CDH13: variants seen among roughly 807,000 people sequenced by gnomAD.
CDH13 encodes cadherin 13, also known as cadherin-13.
Under a neutral mutation model 63.8 loss-of-function variants are expected in CDH13, and 24 were observed. The observed-to-expected ratio is 0.38, with a 90% CI of 0.27 to 0.53. The LOEUF (loss-of-function observed/expected upper bound fraction) is 0.53. Ranked by LOEUF, CDH13 falls within the 20% of genes least tolerant of loss-of-function variation. The pLI is 0.85. For synonymous variants in CDH13, 503 were observed against 355.3 expected (o/e 1.42, Z -4.67); for missense variants, 1,049 against 903.1 (o/e 1.16, Z -2.07).
At chr16:83,465,827 C>CATCT (rs2073300577) in intron 6 of CDH13, among the ~76,000 whole-genome samples, 1 of 152,200 alleles carries the variant, frequency 6.6e-6, no homozygotes, top group African/African-American at 2.4e-5. Context: ...GCCGAGGAAG[C>CATCT]ATCTCACAAA....
chr16:83,473,416 C>A (rs1188114957), intron 6 of CDH13, among the ~76,000 whole-genome samples: 1 of 152,200 alleles, frequency 6.6e-6, no homozygotes, highest in African/African-American at 2.4e-5. Flanking sequence ...TGTGGTATTT[C>A]ACTATCCTGG....
intron 1 of CDH13, among the ~76,000 whole-genome samples, chr16:82,790,605 T>G (rs150017361): frequency 2.3e-4 from 35 of 152,286 alleles, no homozygotes; most frequent in Admixed American, 2.0e-4. Context: ...CTTCTCACGT[T>G]GCTTTAAGGA....
chr16:82,726,463 T>C (rs537937827), intron 1 of CDH13, among the ~76,000 whole-genome samples: 1 of 152,360 alleles, frequency 6.6e-6, no homozygotes, highest in South Asian at 2.1e-4. Flanking sequence ...TTCTACTGTT[T>C]ACAAGATAAA....
chr16:83,585,497 C>G (rs952843784), intron 7 of CDH13, among the ~76,000 whole-genome samples: 33 of 152,196 alleles, frequency 2.2e-4, no homozygotes, highest in African/African-American at 6.7e-4. Flanking sequence ...AGCTGCTGAG[C>G]TTGCTTTGGG....
intron 5 of CDH13, among the ~76,000 whole-genome samples, chr16:83,325,215 T>A (rs2090333085): frequency 6.6e-6 from 1 of 152,176 alleles, no homozygotes. Flanking sequence ...ATTTTTTAAT[T>A]ATTACAAACC....
At chr16:82,691,043 C>G (rs954849011) in intron 1 of CDH13, among the ~76,000 whole-genome samples, 5 of 152,186 alleles carry the variant, frequency 3.3e-5, no homozygotes, top group African/African-American at 7.2e-5. Flanking sequence ...CAGAGAAACA[C>G]CTAGATTTTG....
At chr16:83,349,429 G>GA (rs1257000796) in intron 6 of CDH13, among the ~76,000 whole-genome samples, 1 of 152,128 alleles carries the variant, frequency 6.6e-6, no homozygotes, top group Non-Finnish European at 1.5e-5. Context: ...GCACCTTTGA[G>GA]AATGGCTGAC....
rs540318649 is a variant in CDH13 at position 83,032,628 on chromosome 16, G to C, written c.366+410G>C. Among the ~76,000 whole-genome samples, 293 of 152,218 alleles carry C rather than the reference G, an allele frequency of 1.9e-3. 1 individual carries two copies. Among genetic ancestry groups the C allele is most frequent in the Middle Eastern group, 0.017 (5 of 294 alleles). The stretch of plus-strand genomic sequence containing the variant: ...TGCTGGTCTGAAGTCGCCTGAGAAA[G>C]CATCTCTTCAAGACGATGCTAGCAA... On this transcript the variant is annotated intron_variant, in intron 3 of 13. Transcript: ENST00000567109.
At chr16:83,083,255 G>A (rs554276395) in intron 3 of CDH13, among the ~76,000 whole-genome samples, 1 of 152,322 alleles carries the variant, frequency 6.6e-6, no homozygotes, top group South Asian at 2.1e-4. Context: ...CCCAACTGGT[G>A]TTTTTATGTG....
At chr16:82,661,050 C>T (rs549464534) in intron 1 of CDH13, among the ~76,000 whole-genome samples, 44 of 152,174 alleles carry the variant, frequency 2.9e-4, no homozygotes, top group African/African-American at 1.1e-3. Flanking sequence ...GTCAGGTCTC[C>T]GTGAAGGAAA....
intron 2 of CDH13, among the ~76,000 whole-genome samples, chr16:82,862,179 T>C (rs910144970): frequency 1.3e-5 from 2 of 152,184 alleles, no homozygotes; most frequent in Non-Finnish European, 2.9e-5. Flanking sequence ...GACAATTGTG[T>C]GATCTGGGAG....
At chr16:83,318,159 T>C (rs763395391) in intron 5 of CDH13, among the ~76,000 whole-genome samples, 26 of 152,228 alleles carry the variant, frequency 1.7e-4, no homozygotes, top group Non-Finnish European at 3.7e-4. Flanking sequence ...GAGCATTTAA[T>C]AAGCTTAAGC....
At chr16:82,841,000 T>C (rs1213142058) in intron 1 of CDH13, among the ~76,000 whole-genome samples, 2 of 152,182 alleles carry the variant, frequency 1.3e-5, no homozygotes, top group East Asian at 3.9e-4. Context: ...AAAATCACTT[T>C]TAGTTGACTA....
At chr16:83,340,716 A>T (rs534895963) in intron 5 of CDH13, among the ~76,000 whole-genome samples, 5 of 152,324 alleles carry the variant, frequency 3.3e-5, no homozygotes, top group African/African-American at 1.2e-4. Context: ...ACCTTTGAAT[A>T]GCAAGGTACT....
At chr16:83,091,983 T>C (rs2033934645) in intron 3 of CDH13, among the ~76,000 whole-genome samples, 1 of 152,194 alleles carries the variant, frequency 6.6e-6, no homozygotes, top group Admixed American at 6.5e-5. Context: ...ATCTAGAAAT[T>C]TTTTTCTGTG....
At position 82,750,812 on chromosome 16, in the gene CDH13, C is replaced by T. The variant is rs139990690; in HGVS notation, c.46-107550C>T. On this transcript the variant is annotated intron_variant, in intron 1 of 13. Coordinates refer to ENST00000567109, the MANE Select transcript of CDH13 (RefSeq NM_001257.5). ...TTTTTCCCAACAGCCTAGGCAAAGA[C>T]TCTGATTTCCAATTTTCTGTTATGG... is the stretch of plus-strand genomic sequence containing the variant. Among the ~76,000 whole-genome samples, 142 of 152,124 alleles carry T rather than the reference C, an allele frequency of 9.3e-4. No individual in the cohort carries two copies. In the Middle Eastern group the frequency reaches 0.01, roughly 11 times the overall value.
At chr16:83,621,600 C>A (rs1432384094) in intron 8 of CDH13, among the ~76,000 whole-genome samples, 2 of 148,510 alleles carry the variant, frequency 1.3e-5, no homozygotes, top group African/African-American at 2.5e-5. Flanking sequence ...GATTCTCCTG[C>A]CTCAGCCTCC....
At chr16:82,716,433 C>A (rs12930688) in intron 1 of CDH13, among the ~76,000 whole-genome samples, 45 of 151,640 alleles carry the variant, frequency 3.0e-4, no homozygotes, top group Non-Finnish European at 6.0e-4. Context: ...TGTAACACAT[C>A]TGCTAAATTT....
chr16:83,100,782 C>A (rs1201511225), intron 3 of CDH13, among the ~76,000 whole-genome samples: 1 of 152,218 alleles, frequency 6.6e-6, no homozygotes. Context: ...TTAGGGTATA[C>A]ACTTGCAGCA....
Sources: allele counts gnomAD v4.1 joint callset (sites outside exome capture counted in the v4.1 genomes callset), GRCh38; gene constraint gnomAD v4.1.1; transcripts MANE v1.5; gene names NCBI Gene and HGNC (gene_info 2026-07-23, HGNC 2026-07-21).